Variants in BTBD9 observed in about 807,000 individuals in gnomAD.
BTBD9 encodes the protein BTB domain containing 9.
Under a neutral mutation model 64.3 loss-of-function variants are expected in BTBD9, and 49 were observed. The ratio of observed to expected loss-of-function variants is 0.76; its 90% CI spans 0.61 to 0.97. The LOEUF is 0.97. BTBD9 is among the 50% of genes least tolerant of loss of function. The pLI, the probability that BTBD9 is intolerant of heterozygous loss-of-function variation, is 0.00. For missense variants in BTBD9, 598 were observed against 762.1 expected, an observed-to-expected ratio of 0.78 and a Z score of 2.53; for synonymous variants, 260 against 274.7, an observed-to-expected ratio of 0.95 and a Z score of 0.53.
At chr6:38,456,089 G>C (rs1378173078) in intron 6 of BTBD9, among the ~76,000 whole-genome samples, 1 of 152,022 alleles carries the variant, frequency 6.6e-6, no homozygotes, top group Non-Finnish European at 1.5e-5. Context: ...GATCAATCAA[G>C]TCATTCTTCT....
chr6:38,213,825 C>A (rs1487868894), intron 9 of BTBD9, among the ~76,000 whole-genome samples: 1 of 151,048 alleles, frequency 6.6e-6, no homozygotes, highest in Non-Finnish European at 1.5e-5. Flanking sequence ...ACTAAAAATA[C>A]AAAAAAAATT....
intron 7 of BTBD9, among the ~76,000 whole-genome samples, chr6:38,327,543 T>G (rs752931847): frequency 2.5e-4 from 38 of 152,328 alleles, no homozygotes; most frequent in Admixed American, 1.4e-3. Flanking sequence ...TTTCTTCCAG[T>G]GCCCTCTCCC....
intron 7 of BTBD9, among the ~76,000 whole-genome samples, chr6:38,327,087 G>C (rs920647963): frequency 6.6e-6 from 1 of 152,076 alleles, no homozygotes; most frequent in East Asian, 1.9e-4. Context: ...CCCTGCTTGA[G>C]CACTAGGTAG....
chr6:38,269,350 T>C (rs1453144680), intron 8 of BTBD9, among the ~76,000 whole-genome samples: 1 of 152,122 alleles, frequency 6.6e-6, no homozygotes, highest in Non-Finnish European at 1.5e-5. Flanking sequence ...TAAAGCAACA[T>C]TTTATGTATT....
At chr6:38,505,487 G>A (rs2127404933) in intron 6 of BTBD9, among the ~76,000 whole-genome samples, 1 of 152,114 alleles carries the variant, frequency 6.6e-6, no homozygotes, top group African/African-American at 2.4e-5. Context: ...AGCCAGGCGT[G>A]GTGGCAGGCA....
At chr6:38,632,024 A>G (rs1000928353) in intron 1 of BTBD9, among the ~76,000 whole-genome samples, 3 of 152,156 alleles carry the variant, frequency 2.0e-5, no homozygotes, top group African/African-American at 4.8e-5. Context: ...GCTACTCCAG[A>G]GGCTGAGGCA....
chr6:38,398,693 G>A lies in BTBD9; in HGVS notation c.1155-53600C>T, dbSNP rs1271882668. On this transcript the variant is annotated intron_variant, in intron 6 of 10. Transcript: ENST00000481247. ...AAAGAAGTTAGCTATGACAACAAAG[G>A]AGAAGAAAATTAGCTAATGGCTGAA... Among the ~76,000 whole-genome samples the A allele has an allele frequency of 2.6e-5, 4 of 152,066 alleles. No individual in the cohort carries two copies. In the East Asian group the frequency reaches 7.7e-4, roughly 29 times the overall value.
chr6:38,358,710 C>T (rs1031961271), intron 6 of BTBD9, among the ~76,000 whole-genome samples: 1 of 151,770 alleles, frequency 6.6e-6, no homozygotes, highest in African/African-American at 2.4e-5. Flanking sequence ...TTTCCTGAGT[C>T]ATTCAATGAC....
chr6:38,594,946 G>A lies in BTBD9; in HGVS notation c.186-619C>T, dbSNP rs910482956. On this transcript the variant is annotated intron_variant, in intron 2 of 10. Transcript: ENST00000481247. Reference sequence around the variant, plus strand: ...GGGAAGTAATACAGTAAAGAAAAATGTGTAAGAAAACATACTGAAACACTA... The same window carrying A: ...GGGAAGTAATACAGTAAAGAAAAATATGTAAGAAAACATACTGAAACACTA... Among the ~76,000 whole-genome samples the A allele has an allele frequency of 3.3e-5, 5 of 152,254 alleles. No homozygotes were observed. The South Asian group carries it at 1.0e-3, about 32-fold the overall frequency.
At chr6:38,233,274 T>C (rs1763674560) in intron 9 of BTBD9, among the ~76,000 whole-genome samples, 1 of 152,162 alleles carries the variant, frequency 6.6e-6, no homozygotes, top group South Asian at 2.1e-4. Context: ...TTTAAAAAAA[T>C]AACGAAACCA....
At chr6:38,236,838 G>C (rs1425381688) in intron 9 of BTBD9, among the ~76,000 whole-genome samples, 1 of 152,174 alleles carries the variant, frequency 6.6e-6, no homozygotes, top group Non-Finnish European at 1.5e-5. Flanking sequence ...AGGCACAGTG[G>C]GAGGAAGAAA....
At chr6:38,554,962 G>A (rs953732618) in intron 6 of BTBD9, among the ~76,000 whole-genome samples, 1 of 152,096 alleles carries the variant, frequency 6.6e-6, no homozygotes, top group Admixed American at 6.5e-5. Context: ...ATCTTAGAGT[G>A]TGAGTAACAT....
intron 6 of BTBD9, among the ~76,000 whole-genome samples, chr6:38,373,036 G>A (rs530958502): frequency 6.6e-6 from 1 of 152,094 alleles, no homozygotes; most frequent in Non-Finnish European, 1.5e-5. Context: ...CAGTTTGAGG[G>A]CTGCTGGCTG....
chr6:38,600,580 G>A (rs999167226), intron 1 of BTBD9, among the ~76,000 whole-genome samples: 1 of 151,852 alleles, frequency 6.6e-6, no homozygotes, highest in African/African-American at 2.4e-5. Context: ...GATCGTGCAT[G>A]ATTCTAAACA....
At chr6:38,342,628 T>C (rs942923348) in intron 7 of BTBD9, among the ~76,000 whole-genome samples, 1 of 151,704 alleles carries the variant, frequency 6.6e-6, no homozygotes, top group Non-Finnish European at 1.5e-5. Flanking sequence ...CAAGAAATCA[T>C]GGAGTTCATA....
At chr6:38,201,427 A>G (rs1019451730) in intron 9 of BTBD9, among the ~76,000 whole-genome samples, 15 of 152,218 alleles carry the variant, frequency 9.9e-5, no homozygotes, top group African/African-American at 3.6e-4. Context: ...CAAACTAGCC[A>G]TATAAGGATA....
intron 6 of BTBD9, among the ~76,000 whole-genome samples, chr6:38,435,776 C>T (rs1768704164): frequency 6.6e-6 from 1 of 151,274 alleles, no homozygotes; most frequent in Non-Finnish European, 1.5e-5. Flanking sequence ...TCAAGCAATT[C>T]TCCGGCCTCA....
rs1162391340 is a variant in BTBD9, at chr6:38,184,582, C to T, written c.1641+7937G>A. On this transcript the variant is annotated intron_variant, in intron 10 of 10. Transcript: ENST00000481247. This position sits in a 1 kb window ranked among gnomAD's most constrained non-coding sequence, Gnocchi z 4.4. ...GTGCTCTGCCACAGAGCACAGAGAG[C>T]GCCCACTGGGGGTTCTGGCCCTGGG... Among the ~76,000 whole-genome samples, 1 of 152,060 alleles carries T rather than the reference C, an allele frequency of 6.6e-6. No homozygotes were observed. Among genetic ancestry groups the T allele is most frequent in the Non-Finnish European group, 1.5e-5 (1 of 68,006 alleles).
intron 8 of BTBD9, among the ~76,000 whole-genome samples, chr6:38,281,922 T>G (rs1309982215): frequency 6.6e-6 from 1 of 152,190 alleles, no homozygotes; most frequent in African/African-American, 2.4e-5. Context: ...ACTGACTATC[T>G]TATAATTAGG....
Sources: allele counts gnomAD v4.1 joint callset (sites outside exome capture counted in the v4.1 genomes callset), GRCh38; gene constraint gnomAD v4.1.1; non-coding constraint Gnocchi (gnomAD v3.1); transcripts MANE v1.5; gene names NCBI Gene and HGNC (gene_info 2026-07-23, HGNC 2026-07-21).